OLFM2: variants seen among roughly 807,000 people sequenced by gnomAD.
OLFM2 encodes the protein noelin-2.
OLFM2 carries 20 observed loss-of-function variants against 43.9 expected under a neutral mutation model. The ratio of observed to expected loss-of-function variants is 0.46; its 90% CI spans 0.32 to 0.66. The LOEUF (loss-of-function observed/expected upper bound fraction) is 0.66, where lower values mean the gene tolerates loss of function less well. OLFM2 is among the 30% of genes least tolerant of loss of function. The probability of loss-of-function intolerance (pLI) is 0.04; values close to 1 mark genes in which losing one functional copy is unlikely to be tolerated. For missense variants in OLFM2, 416 were observed against 643.6 expected (o/e 0.65, Z 3.83); for synonymous variants, 268 against 278.6 (o/e 0.96, Z 0.38).
Position 9,853,783 on chromosome 19 carries a change from C to T in OLFM2, c.*403G>A. The T allele has an allele frequency of 2.4e-6, 1 of 414,188 alleles. No homozygotes were observed. The highest frequency in any genetic ancestry group is 4.1e-6 in the Non-Finnish European group (1 of 243,590). The allele number at this position is 414,188 out of a possible 1,614,324, so 25.7% of individuals were successfully genotyped here. A position where few individuals can be genotyped will look rare whatever the true frequency, so the allele number is the denominator to read the frequency against. On this transcript the variant is annotated 3_prime_UTR_variant, in exon 6 of 6. Coordinates refer to ENST00000264833, the MANE Select transcript of OLFM2 (RefSeq NM_058164.4). ...GAAAAAGTGTAAATAAAAAAAGAAACAGATCCATGCACTCAACTCCTGGGG... is the reference window on the plus strand; with the variant it reads ...GAAAAAGTGTAAATAAAAAAAGAAATAGATCCATGCACTCAACTCCTGGGG...
chr19:9,872,810 CCATT>C (rs2046454263), intron 1 of OLFM2, among the ~76,000 whole-genome samples: 1 of 132,096 alleles, frequency 7.6e-6, no homozygotes, highest in African/African-American at 2.7e-5. Context: ...ATTCATTCAT[CCATT>C]CACTCGTATT....
In OLFM2 at chr19:9,857,842, G is replaced by A. The variant is rs2046335031; in HGVS notation, c.233C>T (p.Ser78Phe). 10 of 1,614,076 alleles carry A rather than the reference G, an allele frequency of 6.2e-6. No homozygotes were observed. The highest frequency in any genetic ancestry group is 8.5e-6 in the Non-Finnish European group (10 of 1,180,026). Reference protein sequence around the residue: ...LMEKVQNVSQSMEVLELRTYR... With the variant: ...LMEKVQNVSQFMEVLELRTYR... ...CGTCCGCAACTCAAGGACCTCCATG[G>A]ACTGGGAGACGTTCTGGACCTAGGA... is the stretch of plus-strand genomic sequence containing the variant. Residue 78 changes from serine to phenylalanine, a missense_variant, in exon 3 of 6, where the codon TCC becomes TTC. Physicochemically the swap from Ser to Phe is radical, Grantham distance 155 (BLOSUM62 -2). Coordinates refer to ENST00000264833, the MANE Select transcript of OLFM2 (RefSeq NM_058164.4). The surrounding 1 kb of genome is among the most constrained non-coding windows in gnomAD (Gnocchi z 5.7).
At chr19:9,899,116 T>C (rs1248862180) in intron 1 of OLFM2, among the ~76,000 whole-genome samples, 1 of 151,878 alleles carries the variant, frequency 6.6e-6, no homozygotes, top group East Asian at 1.9e-4. Context: ...AATACAAAAA[T>C]TAGACAGGCG....
chr19:9,919,176 C>CCTTTTTTT (rs2086403775), intron 1 of OLFM2, among the ~76,000 whole-genome samples: 1 of 149,180 alleles, frequency 6.7e-6, no homozygotes, highest in South Asian at 2.1e-4. Flanking sequence ...ATTTCTCTCT[C>CCTTTTTTT]TTTTTTTTGA....
In OLFM2 at chr19:9,876,559, C is replaced by A. The variant is rs555904416; in HGVS notation, c.64-15765G>T. 2.0e-5 allele frequency among the ~76,000 whole-genome samples: 3 copies of A among 152,316 alleles called. No individual in the cohort carries two copies. In the South Asian group the frequency reaches 6.2e-4, roughly 32 times the overall value. ...GTGGCAAGTCCACTCTGGGTCCAAACCCTTTATCCCTTGGCTACACCTCCA... is the reference window on the plus strand; with the variant it reads ...GTGGCAAGTCCACTCTGGGTCCAAAACCTTTATCCCTTGGCTACACCTCCA... On this transcript the variant is annotated intron_variant, in intron 1 of 5. Transcript: ENST00000264833.
At chr19:9,913,594 G>A (rs1373739698) in intron 1 of OLFM2, 2 of 1,305,236 alleles carry the variant, frequency 1.5e-6, no homozygotes, top group Admixed American at 3.5e-5. Flanking sequence ...GCACGGCCCC[G>A]ATCTTGAGCA....
At chr19:9,899,082 T>A (rs915201160) in intron 1 of OLFM2, among the ~76,000 whole-genome samples, 1 of 152,032 alleles carries the variant, frequency 6.6e-6, no homozygotes, top group Non-Finnish European at 1.5e-5. Context: ...CCAGCCAACA[T>A]GGCAAAACCC....
chr19:9,889,718 T>C (rs1010018072), intron 1 of OLFM2, among the ~76,000 whole-genome samples: 7 of 152,118 alleles, frequency 4.6e-5, no homozygotes, highest in African/African-American at 1.7e-4. Flanking sequence ...CGGCTGGGTA[T>C]GAATGCGTGT....
rs546710078 is a variant in OLFM2 at position 9,858,296 on chromosome 19, G to A, written c.214-435C>T. ...GACTCTAAGCTCCTTCCTTCTGCAG[G>A]GTCTTTGCACTTGCTGGTCTCTCTA... On this transcript the variant is annotated intron_variant, in intron 2 of 5. Coordinates refer to ENST00000264833, the MANE Select transcript of OLFM2 (RefSeq NM_058164.4). 13 of 280,432 alleles carry A rather than the reference G, an allele frequency of 4.6e-5. No homozygotes were observed. The Admixed American group carries it at 5.6e-4, about 12-fold the overall frequency. The allele number at this position is 280,432 out of a possible 1,614,324, so 17.4% of individuals were successfully genotyped here. A position where few individuals can be genotyped will look rare whatever the true frequency, so the allele number is the denominator to read the frequency against.
intron 1 of OLFM2, among the ~76,000 whole-genome samples, chr19:9,931,252 TTC>T (rs1251993330): frequency 6.6e-6 from 1 of 152,178 alleles, no homozygotes; most frequent in Non-Finnish European, 1.5e-5. Context: ...TGGGTTTTCT[TTC>T]TTTCTTTTTT....
intron 1 of OLFM2, among the ~76,000 whole-genome samples, chr19:9,887,596 G>A: frequency 6.6e-6 from 1 of 152,068 alleles, no homozygotes; most frequent in Non-Finnish European, 1.5e-5. Flanking sequence ...TGAACCAGCA[G>A]AGTTCATCCC....
intron 1 of OLFM2, among the ~76,000 whole-genome samples, chr19:9,894,669 A>G (rs994019268): frequency 1.3e-5 from 2 of 152,130 alleles, no homozygotes; most frequent in South Asian, 4.2e-4. Context: ...AGATTGCACC[A>G]TTGCACTCCA....
intron 1 of OLFM2, among the ~76,000 whole-genome samples, chr19:9,898,893 C>A (rs1295922165): frequency 6.6e-6 from 1 of 152,174 alleles, no homozygotes; most frequent in Non-Finnish European, 1.5e-5. Context: ...ACTCTCACTT[C>A]CGGGAATCCA....
intron 1 of OLFM2, among the ~76,000 whole-genome samples, chr19:9,878,411 T>G (rs1440036644): frequency 2.3e-4 from 23 of 102,020 alleles, no homozygotes; most frequent in Non-Finnish European, 3.4e-4. Context: ...TTTTTTGAGA[T>G]GGAGTTTCAC....
intron 1 of OLFM2, 40 bp from the exon 2 acceptor site, chr19:9,860,834 G>C: frequency 6.3e-7 from 1 of 1,577,628 alleles, no homozygotes; most frequent in Non-Finnish European, 8.6e-7. Flanking sequence ...ATCCCAGTGA[G>C]GGTCTCGCCT....
intron 1 of OLFM2, among the ~76,000 whole-genome samples, chr19:9,867,242 G>T (rs937196480): frequency 6.6e-6 from 1 of 152,136 alleles, no homozygotes; most frequent in African/African-American, 2.4e-5. Flanking sequence ...GTGGTGGCAG[G>T]CACCTGTAAG....
chr19:9,882,392 G>A, intron 1 of OLFM2, among the ~76,000 whole-genome samples: 1 of 150,634 alleles, frequency 6.6e-6, no homozygotes, highest in East Asian at 2.0e-4. Context: ...CAAAAAATTA[G>A]CCAGGCAAGG....
At chr19:9,919,168 T>TTCTC (rs200274998) in intron 1 of OLFM2, among the ~76,000 whole-genome samples, 1 of 131,536 alleles carries the variant, frequency 7.6e-6, no homozygotes, top group Admixed American at 7.6e-5. Context: ...GAGACCTCAT[T>TTCTC]TCTCTCTCTT....
At chr19:9,868,353 C>T (rs952689142) in intron 1 of OLFM2, among the ~76,000 whole-genome samples, 7 of 152,076 alleles carry the variant, frequency 4.6e-5, no homozygotes, top group Non-Finnish European at 8.8e-5. Flanking sequence ...TGAGCCACCA[C>T]GCCTGGCCCA....
Sources: allele counts gnomAD v4.1 joint callset (sites outside exome capture counted in the v4.1 genomes callset), GRCh38; gene constraint gnomAD v4.1.1; non-coding constraint Gnocchi (gnomAD v3.1); transcripts MANE v1.5; gene names NCBI Gene and HGNC (gene_info 2026-07-23, HGNC 2026-07-21).